The following FAM3C variants were observed in gnomAD, a reference collection of about 807,000 sequenced individuals.
FAM3C encodes the protein FAM3 metabolism regulating signaling molecule C, also known as protein FAM3C.
Under a neutral mutation model 32.5 loss-of-function variants are expected in FAM3C, and 15 were observed. That is an observed-to-expected ratio of 0.46 (90% CI 0.31 to 0.71). The LOEUF (loss-of-function observed/expected upper bound fraction) is 0.71, where lower values mean the gene tolerates loss of function less well. Among genes scored for constraint, FAM3C ranks in the 30% least tolerant of loss-of-function variants. The pLI is 0.05. For missense variants in FAM3C, 175 were observed against 274.4 expected (o/e 0.64, Z 2.56); for synonymous variants, 75 against 86.1 (o/e 0.87, Z 0.72).
chr7:121,355,668 C>A (rs1243272919), intron 8 of FAM3C, among the ~76,000 whole-genome samples: 1 of 152,140 alleles, frequency 6.6e-6, no homozygotes, highest in Non-Finnish European at 1.5e-5. Flanking sequence ...CAGAAAATAA[C>A]CTCTATGAAT....
rs571972012 is a variant in FAM3C at position 121,357,603 on chromosome 7, A to G, written c.467+2440T>C. Among the ~76,000 whole-genome samples the G allele has an allele frequency of 3.7e-4, 56 of 152,268 alleles. 1 individual carries two copies. The highest frequency in any genetic ancestry group is 1.9e-3 in the Admixed American group (29 of 15,284). On this transcript the variant is annotated intron_variant, in intron 8 of 9. Transcript: ENST00000359943. Reference sequence around the variant, plus strand: ...ACAATTTCTTTTACTGGTATTTAGGAAAAGGAAATATTTGAAATATAAATT... The same window carrying G: ...ACAATTTCTTTTACTGGTATTTAGGGAAAGGAAATATTTGAAATATAAATT...
Position 121,371,988 on chromosome 7 carries a change from C to T in FAM3C, c.148+122G>A, listed in dbSNP as rs974862756. On this transcript the variant is annotated intron_variant, in intron 4 of 9. Transcript: ENST00000359943. Reference sequence around the variant, plus strand: ...GTCCAATCAAATAGCATCCTCATAACTTTAAAAAGCAATTTCTAAAGCAGT... The same window carrying T: ...GTCCAATCAAATAGCATCCTCATAATTTTAAAAAGCAATTTCTAAAGCAGT... 8.8e-6 allele frequency: 6 copies of T among 684,156 alleles called. No individual in the cohort carries two copies. The African/African-American group carries it at 9.1e-5, about 10-fold the overall frequency. The allele number at this position is 684,156 out of a possible 1,614,324, so 42.4% of individuals were successfully genotyped here. A position where few individuals can be genotyped will look rare whatever the true frequency, so the allele number is the denominator to read the frequency against.
intron 5 of FAM3C, among the ~76,000 whole-genome samples, chr7:121,368,083 C>T (rs908531420): frequency 2.6e-5 from 4 of 152,076 alleles, no homozygotes; most frequent in Admixed American, 2.6e-4. Context: ...ACATTTAAAA[C>T]ACATCTTTAT....
intron 2 of FAM3C, among the ~76,000 whole-genome samples, chr7:121,381,969 G>GC (rs1271071271): frequency 6.6e-6 from 1 of 152,064 alleles, no homozygotes; most frequent in African/African-American, 2.4e-5. Flanking sequence ...TTGACTTTAG[G>GC]CATTTCTAAG....
intron 8 of FAM3C, among the ~76,000 whole-genome samples, chr7:121,352,342 A>C (rs1348994091): frequency 2.0e-5 from 3 of 152,224 alleles, no homozygotes; most frequent in Non-Finnish European, 4.4e-5. Flanking sequence ...AGCTTCATAA[A>C]ACAGGAAAGA....
At chr7:121,393,902 A>G (rs185991810) in intron 1 of FAM3C, among the ~76,000 whole-genome samples, 1 of 152,336 alleles carries the variant, frequency 6.6e-6, no homozygotes, top group African/African-American at 2.4e-5. Flanking sequence ...AAGAACAGAG[A>G]CGCTTCTGGA....
intron 5 of FAM3C, among the ~76,000 whole-genome samples, chr7:121,366,654 T>C (rs1010928762): frequency 1.1e-4 from 16 of 152,266 alleles, no homozygotes; most frequent in Non-Finnish European, 1.3e-4. Flanking sequence ...TCTGTGAATA[T>C]AATAAACCAC....
chr7:121,370,688 C>A (rs1315013466), intron 5 of FAM3C, among the ~76,000 whole-genome samples: 1 of 152,312 alleles, frequency 6.6e-6, no homozygotes, highest in East Asian at 1.9e-4. Flanking sequence ...TAGAGGCAAG[C>A]AGTTTGTGCT....
At chr7:121,352,344 C>T (rs1054302442) in intron 8 of FAM3C, among the ~76,000 whole-genome samples, 6 of 152,026 alleles carry the variant, frequency 3.9e-5, no homozygotes, top group African/African-American at 1.2e-4. Flanking sequence ...CTTCATAAAA[C>T]AGGAAAGAAC....
intron 1 of FAM3C, among the ~76,000 whole-genome samples, chr7:121,390,800 A>G (rs1407954785): frequency 2.3e-5 from 3 of 129,670 alleles, no homozygotes; most frequent in Admixed American, 2.0e-4. Flanking sequence ...CAGATCTGAG[A>G]GCTTCAGATC....
At chr7:121,376,230 T>C (rs1794236065) in intron 3 of FAM3C, among the ~76,000 whole-genome samples, 1 of 152,160 alleles carries the variant, frequency 6.6e-6, no homozygotes, top group Non-Finnish European at 1.5e-5. Flanking sequence ...TTAGGATGTG[T>C]GCTGAAAAAC....
intron 1 of FAM3C, among the ~76,000 whole-genome samples, chr7:121,394,363 C>T (rs1201291076): frequency 6.6e-6 from 1 of 152,148 alleles, no homozygotes; most frequent in African/African-American, 2.4e-5. Flanking sequence ...GTTGACAATG[C>T]TTAAGGCAGC....
Position 121,351,313 on chromosome 7 carries a change from T to C in FAM3C, c.468-44A>G, listed in dbSNP as rs757367885. 5 of 1,580,740 alleles carry C rather than the reference T, an allele frequency of 3.2e-6. No individual in the cohort carries two copies. In the Admixed American group the frequency reaches 5.1e-5, roughly 16 times the overall value. Reference sequence around the variant, plus strand: ...GAATACAACAATAAACAGAGGGAACTGTATGCTAATACTGGTTCACTGGGA... The same window carrying C: ...GAATACAACAATAAACAGAGGGAACCGTATGCTAATACTGGTTCACTGGGA... On this transcript the variant is annotated intron_variant, in intron 8 of 9. Coordinates refer to ENST00000359943, the MANE Select transcript of FAM3C (RefSeq NM_014888.3).
chr7:121,389,244 C>T (rs1278061394), intron 1 of FAM3C, among the ~76,000 whole-genome samples: 5 of 152,092 alleles, frequency 3.3e-5, no homozygotes, highest in African/African-American at 1.2e-4. Flanking sequence ...TTTCATAGTA[C>T]AACCCCCTTA....
intron 1 of FAM3C, among the ~76,000 whole-genome samples, chr7:121,385,168 T>C (rs1274685645): frequency 2.6e-5 from 4 of 152,104 alleles, no homozygotes; most frequent in Non-Finnish European, 4.4e-5. Flanking sequence ...AGGGCTTATA[T>C]ATAAGTATGT....
intron 6 of FAM3C, among the ~76,000 whole-genome samples, chr7:121,363,379 T>C (rs1429596375): frequency 3.9e-5 from 6 of 152,172 alleles, no homozygotes; most frequent in Non-Finnish European, 8.8e-5. Context: ...AAAACTTACA[T>C]TAACTTGCCC....
intron 2 of FAM3C, 142 bp from the exon 3 acceptor site, chr7:121,379,156 C>A: frequency 1.8e-6 from 1 of 543,264 alleles, no homozygotes; most frequent in Non-Finnish European, 3.3e-6. Context: ...ACATGAGATA[C>A]ATAAAAATTA....
intron 8 of FAM3C, among the ~76,000 whole-genome samples, chr7:121,354,469 G>C (rs1318764936): frequency 6.6e-6 from 1 of 152,200 alleles, no homozygotes; most frequent in East Asian, 1.9e-4. Flanking sequence ...ACTAGAAAGG[G>C]AGGAAGTGGG....
In FAM3C at chr7:121,350,230, C is replaced by T; in HGVS notation, c.*231G>A. ...TTACCATAGCAGTCTAAACATTGTA[C>T]TTTTAGGGAAATGTGCGGAGACATG... On this transcript the variant is annotated 3_prime_UTR_variant, in exon 10 of 10. Coordinates refer to ENST00000359943, the MANE Select transcript of FAM3C (RefSeq NM_014888.3). 1 of 491,738 alleles carries T rather than the reference C, an allele frequency of 2.0e-6. No individual in the cohort carries two copies. Among genetic ancestry groups the T allele is most frequent in the Non-Finnish European group, 3.6e-6 (1 of 274,342 alleles). The allele number at this position is 491,738 out of a possible 1,614,324, so 30.5% of individuals were successfully genotyped here. A position where few individuals can be genotyped will look rare whatever the true frequency, so the allele number is the denominator to read the frequency against.
Sources: allele counts gnomAD v4.1 joint callset (sites outside exome capture counted in the v4.1 genomes callset), GRCh38; gene constraint gnomAD v4.1.1; transcripts MANE v1.5; gene names NCBI Gene and HGNC (gene_info 2026-07-23, HGNC 2026-07-21).